Variants in CSTPP1 observed in about 807,000 individuals in gnomAD.
CSTPP1 encodes UPF0705 protein C11orf49.
chr11:46,980,932 T>C, the CSTPP1 span, among the ~76,000 whole-genome samples: 4 of 152,142 alleles, frequency 2.6e-5, no homozygotes, highest in African/African-American at 9.6e-5. Context: ...AGGCCAAGGA[T>C]AGTGAAAATA....
At chr11:47,152,647 T>C in the CSTPP1 span, among the ~76,000 whole-genome samples, 1 of 152,216 alleles carries the variant, frequency 6.6e-6, no homozygotes, top group Non-Finnish European at 1.5e-5. Context: ...ACAGTGGTGA[T>C]GGTGGCGCTA....
At chr11:46,941,702 A>G in the CSTPP1 span, among the ~76,000 whole-genome samples, 6 of 152,144 alleles carry the variant, frequency 3.9e-5, no homozygotes, top group Non-Finnish European at 8.8e-5. Flanking sequence ...GATTAATAAA[A>G]TATTTCCTGA....
the CSTPP1 span, among the ~76,000 whole-genome samples, chr11:47,048,377 T>C: frequency 2.0e-5 from 3 of 152,118 alleles, no homozygotes; most frequent in African/African-American, 4.8e-5. Flanking sequence ...CCCAACACTT[T>C]GGGAAGGTAC....
At chr11:47,046,695 C>T in the CSTPP1 span, among the ~76,000 whole-genome samples, 2 of 99,968 alleles carry the variant, frequency 2.0e-5, no homozygotes, top group East Asian at 3.2e-4. Flanking sequence ...GAGACAGAGT[C>T]TCACTCTGCC....
chr11:47,148,725 A>G, the CSTPP1 span, among the ~76,000 whole-genome samples: 5 of 152,334 alleles, frequency 3.3e-5, no homozygotes, highest in African/African-American at 1.2e-4. Flanking sequence ...AGCACCTGTT[A>G]GACACTAGCA....
the CSTPP1 span, among the ~76,000 whole-genome samples, chr11:47,060,323 T>C: frequency 6.8e-6 from 1 of 146,750 alleles, no homozygotes; most frequent in Non-Finnish European, 1.5e-5. Context: ...CTGCAACCTC[T>C]GCCTCCCGGG....
chr11:47,088,605 G>A, the CSTPP1 span, among the ~76,000 whole-genome samples: 1 of 152,120 alleles, frequency 6.6e-6, no homozygotes, highest in East Asian at 1.9e-4. Context: ...GGAGTGCAAT[G>A]GCACGATCTC....
the CSTPP1 span, among the ~76,000 whole-genome samples, chr11:47,105,681 G>T: frequency 6.6e-6 from 1 of 152,108 alleles, no homozygotes; most frequent in African/African-American, 2.4e-5. Flanking sequence ...GATGTCATGG[G>T]TCTAAGATCA....
chr11:47,075,396 A>G, the CSTPP1 span, among the ~76,000 whole-genome samples: 2 of 152,124 alleles, frequency 1.3e-5, no homozygotes, highest in Non-Finnish European at 2.9e-5. Flanking sequence ...AAAATAAAAT[A>G]AAAGTATAAT....
chr11:46,957,233 T>C, the CSTPP1 span, among the ~76,000 whole-genome samples: 1 of 152,184 alleles, frequency 6.6e-6, no homozygotes, highest in Non-Finnish European at 1.5e-5. Context: ...ATCTTTATCA[T>C]GGGTATTACT....
chr11:46,975,050 G>GCCA, the CSTPP1 span, among the ~76,000 whole-genome samples: 1 of 139,634 alleles, frequency 7.2e-6, no homozygotes, highest in Non-Finnish European at 1.6e-5. Flanking sequence ...TGGGGAGGCT[G>GCCA]AGGCAGGAGG....
the CSTPP1 span, among the ~76,000 whole-genome samples, chr11:47,113,814 G>A: frequency 6.6e-6 from 1 of 152,076 alleles, no homozygotes; most frequent in African/African-American, 2.4e-5. Flanking sequence ...TCACTCTGAT[G>A]GTAGTTTCTT....
At chr11:47,038,505 C>T in the CSTPP1 span, among the ~76,000 whole-genome samples, 6 of 105,046 alleles carry the variant, frequency 5.7e-5, no homozygotes, top group African/African-American at 1.7e-4. Flanking sequence ...GGCAGAGGGG[C>T]TCCTCACTTC....
chr11:47,132,365 T>A, the CSTPP1 span, among the ~76,000 whole-genome samples: 1 of 152,248 alleles, frequency 6.6e-6, no homozygotes. Flanking sequence ...TTGCTTTAGC[T>A]AAGTTCAAAG....
At chr11:46,999,767 G>A in the CSTPP1 span, among the ~76,000 whole-genome samples, 2 of 152,136 alleles carry the variant, frequency 1.3e-5, no homozygotes, top group Admixed American at 6.5e-5. Context: ...ATATTTAGCC[G>A]TGGGTGATTT....
At chr11:47,155,126 C>T in the CSTPP1 span, 1 of 1,484,684 alleles carries the variant, frequency 6.7e-7, no homozygotes, top group East Asian at 2.3e-5. Flanking sequence ...CCCTCCCCTC[C>T]TTAAACCTCT....
At chr11:47,104,686 T>C in the CSTPP1 span, among the ~76,000 whole-genome samples, 1 of 152,180 alleles carries the variant, frequency 6.6e-6, no homozygotes, top group Non-Finnish European at 1.5e-5. Context: ...TCATCAATAT[T>C]AATGAAGTCC....
At chr11:46,990,868 C>A in the CSTPP1 span, among the ~76,000 whole-genome samples, 1 of 152,170 alleles carries the variant, frequency 6.6e-6, no homozygotes, top group Non-Finnish European at 1.5e-5. Flanking sequence ...TATCCCAGCA[C>A]CATTTATTAA....
chr11:47,161,716 C>T, the CSTPP1 span: 1 of 1,517,058 alleles, frequency 6.6e-7, no homozygotes. Flanking sequence ...AGCCTCCTCT[C>T]CAGCACCTTG....
Sources: gnomAD v4.1 joint callset for allele counts (sites outside exome capture counted in the v4.1 genomes callset) on GRCh38, gnomAD v4.1.1 for gene constraint, MANE v1.5 for transcripts, NCBI Gene and HGNC (gene_info 2026-07-23, HGNC 2026-07-21) for gene names.